Variants in BBS9 observed in about 807,000 individuals in gnomAD.
BBS9 encodes the protein Bardet-Biedl syndrome 9, also known as protein PTHB1.
In BBS9, 89 loss-of-function variants were observed where a neutral mutation model predicts 117.7. The observed-to-expected ratio is 0.76, with a 90% CI of 0.64 to 0.90. The LOEUF (loss-of-function observed/expected upper bound fraction) is 0.90, where lower values mean the gene tolerates loss of function less well. Among genes scored for constraint, BBS9 ranks in the 40% least tolerant of loss-of-function variants. The pLI, the probability that BBS9 is intolerant of heterozygous loss-of-function variation, is 0.00. For synonymous variants in BBS9, 379 were observed against 370.9 expected (o/e 1.02, Z -0.25); for missense variants, 982 against 1,042.2 (o/e 0.94, Z 0.80).
At chr7:33,537,701 TC>T (rs1297428130) in intron 21 of BBS9, among the ~76,000 whole-genome samples, 2 of 152,184 alleles carry the variant, frequency 1.3e-5, no homozygotes, top group African/African-American at 4.8e-5. Flanking sequence ...CCCAACCTTC[TC>T]CCTGCAGCTG....
At chr7:33,598,896 A>G (rs1269549316) in intron 21 of BBS9, among the ~76,000 whole-genome samples, 5 of 152,212 alleles carry the variant, frequency 3.3e-5, no homozygotes, top group Admixed American at 3.3e-4. Flanking sequence ...TTGCCAAACT[A>G]CTTATGGCCC....
At chr7:33,327,277 G>T (rs1336975028) in intron 9 of BBS9, among the ~76,000 whole-genome samples, 1 of 152,170 alleles carries the variant, frequency 6.6e-6, no homozygotes, top group African/African-American at 2.4e-5. Flanking sequence ...TGTTATGAGT[G>T]CCAGAGGAGC....
intron 21 of BBS9, among the ~76,000 whole-genome samples, chr7:33,613,205 A>G (rs1289658342): frequency 6.6e-6 from 1 of 152,062 alleles, no homozygotes; most frequent in African/African-American, 2.4e-5. Flanking sequence ...TTCATCTGCA[A>G]AGTGGGGGGC....
chr7:33,511,989 C>G (rs1237005818), intron 20 of BBS9, among the ~76,000 whole-genome samples: 1 of 152,168 alleles, frequency 6.6e-6, no homozygotes, highest in Non-Finnish European at 1.5e-5. Flanking sequence ...TTAAGTCTGC[C>G]TTTGTGACTG....
rs146752751 is a variant in BBS9, at chr7:33,534,125, C to T, written c.2470C>T (p.Arg824Cys). ...LLCDRLSKGG[R>C]LCLSTDAAAP... ...CTGCGATAGATTATCCAAAGGTGGCCGTCTCTGCCTAAGTACCGATGCAGC... is the reference window on the plus strand; with the variant it reads ...CTGCGATAGATTATCCAAAGGTGGCTGTCTCTGCCTAAGTACCGATGCAGC... The change falls in exon 21 of 23, where the codon CGT becomes TGT. Residue 824 changes from arginine (R) to cysteine (C), a missense_variant. By Grantham distance (180) the Arg-to-Cys change is radical (BLOSUM62 -3). Transcript: ENST00000242067. The T allele has an allele frequency of 1.2e-3, 1,975 of 1,614,170 alleles. 41 individuals carry two copies. The East Asian group carries it at 0.038, about 31-fold the overall frequency.
chr7:33,191,911 C>T (rs1784180894), intron 5 of BBS9, among the ~76,000 whole-genome samples: 1 of 151,192 alleles, frequency 6.6e-6, no homozygotes, highest in South Asian at 2.1e-4. Context: ...TAAAAGTAGT[C>T]TTGTTCACAG....
chr7:33,275,424 G>A (rs1205706810), intron 9 of BBS9, among the ~76,000 whole-genome samples: 1 of 152,174 alleles, frequency 6.6e-6, no homozygotes, highest in Non-Finnish European at 1.5e-5. Flanking sequence ...TTTAGAACAG[G>A]AAAAACATCT....
At chr7:33,533,850 C>T in intron 20 of BBS9, 104 bp from the exon 21 acceptor site, 2 of 1,329,934 alleles carry the variant, frequency 1.5e-6, no homozygotes, top group Non-Finnish European at 2.1e-6. Context: ...TTCACAGGTT[C>T]CCAACACTTG....
At chr7:33,215,414 T>C (rs910003093) in intron 5 of BBS9, among the ~76,000 whole-genome samples, 13 of 152,202 alleles carry the variant, frequency 8.5e-5, no homozygotes, top group Admixed American at 7.9e-4. Flanking sequence ...CTTCAATAAA[T>C]GCTGCTGGGA....
intron 9 of BBS9, chr7:33,314,215 C>G (rs1024992795): frequency 3.6e-5 from 15 of 414,320 alleles, no homozygotes; most frequent in African/African-American, 3.0e-4. Flanking sequence ...GTAAGGACTT[C>G]AATATCTAAT....
chr7:33,570,738 T>C (rs1162249356), intron 21 of BBS9, among the ~76,000 whole-genome samples: 1 of 152,210 alleles, frequency 6.6e-6, no homozygotes, highest in Non-Finnish European at 1.5e-5. Context: ...GTATCACACA[T>C]GTGATGCACT....
rs145189580 is a variant in BBS9 at position 33,411,547 on chromosome 7, C to T, written c.2115+23403C>T. Reference sequence around the variant, plus strand: ...ATTTTGATCAGATTTCAAGAAACAACGCAAAAATTGTGTATTTTTATTGCT... The same window carrying T: ...ATTTTGATCAGATTTCAAGAAACAATGCAAAAATTGTGTATTTTTATTGCT... On this transcript the variant is annotated intron_variant, in intron 19 of 22. Coordinates refer to ENST00000242067, the MANE Select transcript of BBS9 (RefSeq NM_198428.3). Among the ~76,000 whole-genome samples, 909 of 152,116 alleles carry T rather than the reference C, an allele frequency of 6.0e-3. 6 individuals are homozygous for T. Among genetic ancestry groups the T allele is most frequent in the Middle Eastern group, 0.017 (5 of 294 alleles).
chr7:33,343,245 C>T (rs1001331824), intron 11 of BBS9, among the ~76,000 whole-genome samples: 3 of 152,080 alleles, frequency 2.0e-5, no homozygotes, highest in African/African-American at 4.8e-5. Context: ...GAATTCATAA[C>T]GGTATTATTA....
chr7:33,308,813 G>T (rs549553675), intron 9 of BBS9, among the ~76,000 whole-genome samples: 1 of 152,258 alleles, frequency 6.6e-6, no homozygotes, highest in South Asian at 2.1e-4. Flanking sequence ...CTTCTATGGG[G>T]CAAATGAGAA....
chr7:33,242,035 C>A (rs1794613708), intron 5 of BBS9, among the ~76,000 whole-genome samples: 4 of 152,002 alleles, frequency 2.6e-5, no homozygotes, highest in Admixed American at 2.6e-4. Flanking sequence ...TGGTGTCTTT[C>A]TTCAAAGATT....
chr7:33,602,284 A>G (rs1211290450), intron 21 of BBS9, among the ~76,000 whole-genome samples: 2 of 152,172 alleles, frequency 1.3e-5, no homozygotes, highest in African/African-American at 2.4e-5. Flanking sequence ...CAGAGGGGGA[A>G]TTCTCTGCTC....
intron 17 of BBS9, among the ~76,000 whole-genome samples, chr7:33,370,431 C>T (rs762053036): frequency 1.2e-4 from 19 of 152,062 alleles, no homozygotes; most frequent in African/African-American, 2.9e-4. Context: ...GATTGCACTA[C>T]TGCACTCCAA....
intron 19 of BBS9, among the ~76,000 whole-genome samples, chr7:33,451,683 G>A (rs917551469): frequency 1.3e-5 from 2 of 152,184 alleles, no homozygotes; most frequent in East Asian, 1.9e-4. Flanking sequence ...ATTCTCTGAG[G>A]TTACATATGA....
At chr7:33,223,522 G>A (rs1790667217) in intron 5 of BBS9, among the ~76,000 whole-genome samples, 1 of 152,096 alleles carries the variant, frequency 6.6e-6, no homozygotes, top group South Asian at 2.1e-4. Context: ...GCTCATTCAG[G>A]ATTGAATTCA....
Sources: allele counts gnomAD v4.1 joint callset (sites outside exome capture counted in the v4.1 genomes callset), GRCh38; gene constraint gnomAD v4.1.1; transcripts MANE v1.5; gene names NCBI Gene and HGNC (gene_info 2026-07-23, HGNC 2026-07-21).